The following IGF1R variants were observed in gnomAD, a reference collection of about 807,000 sequenced individuals.
IGF1R encodes insulin-like growth factor 1 receptor.
IGF1R carries 44 observed loss-of-function variants against 144.6 expected under a neutral mutation model. The ratio of observed to expected loss-of-function variants is 0.30; its 90% CI spans 0.24 to 0.39. The LOEUF (loss-of-function observed/expected upper bound fraction) is 0.39. IGF1R is among the 10% of genes least tolerant of loss of function. The pLI is 1.00. For synonymous variants in IGF1R, 795 were observed against 722.8 expected, an observed-to-expected ratio of 1.10 and a Z score of -1.60; for missense variants, 1,355 against 1,833.7, an observed-to-expected ratio of 0.74 and a Z score of 4.77.
Position 98,899,655 on chromosome 15 carries a change from A to G in IGF1R, c.1247+34A>G, listed in dbSNP as rs1435836186. The G allele has an allele frequency of 5.0e-6, 8 of 1,606,768 alleles. No homozygotes were observed. In the Admixed American group the frequency reaches 1.0e-4, roughly 20 times the overall value. ...CCCAAATTTCATGAGCTGACGTTCT[A>G]TTACAAAATAAGCAGCGTGCTTATG... On this transcript the variant is annotated intron_variant, in intron 5 of 20. Transcript: ENST00000650285.
At chr15:98,921,815 G>A (rs2015500701) in intron 10 of IGF1R, among the ~76,000 whole-genome samples, 1 of 152,160 alleles carries the variant, frequency 6.6e-6, no homozygotes, top group African/African-American at 2.4e-5. Flanking sequence ...CATAAGGTCT[G>A]TGACCAGATG....
chr15:98,902,940 T>C (rs908735369), intron 5 of IGF1R, among the ~76,000 whole-genome samples: 1 of 152,016 alleles, frequency 6.6e-6, no homozygotes. Context: ...TTACATAGAG[T>C]AGAGCTCTTA....
At chr15:98,649,858 C>T (rs964029050) in intron 1 of IGF1R, among the ~76,000 whole-genome samples, 183 bp downstream of exon 1, 2 of 152,126 alleles carry the variant, frequency 1.3e-5, no homozygotes, top group African/African-American at 2.4e-5. Context: ...GACCCGGGCT[C>T]GTTCGTCTGG....
chr15:98,706,364 C>G (rs2141256547), intron 1 of IGF1R, among the ~76,000 whole-genome samples: 1 of 152,324 alleles, frequency 6.6e-6, no homozygotes, highest in Admixed American at 6.5e-5. Context: ...AAAGAGTTTT[C>G]TTGGTGTGTG....
Position 98,847,499 on chromosome 15 carries a change from T to C in IGF1R, c.641-43826T>C, listed in dbSNP as rs942143580. Reference sequence around the variant, plus strand: ...TTACTTACATCAGGTTTTCCTTGTCTATAAAATGGAAGTCCTTGTACCCAC... The same window carrying C: ...TTACTTACATCAGGTTTTCCTTGTCCATAAAATGGAAGTCCTTGTACCCAC... On this transcript the variant is annotated intron_variant, in intron 2 of 20. Coordinates refer to ENST00000650285, the MANE Select transcript of IGF1R (RefSeq NM_000875.5). Among the ~76,000 whole-genome samples, 4 of 152,214 alleles carry C rather than the reference T, an allele frequency of 2.6e-5. No individual in the cohort carries two copies. In the East Asian group the frequency reaches 7.7e-4, roughly 29 times the overall value.
chr15:98,885,125 A>ACG (rs1357462056), intron 2 of IGF1R, among the ~76,000 whole-genome samples: 6 of 152,058 alleles, frequency 3.9e-5, no homozygotes, highest in Non-Finnish European at 8.8e-5. Context: ...GCCCTAAGCT[A>ACG]CCCTTTGCTT....
At chr15:98,685,914 T>G (rs1055786976) in intron 1 of IGF1R, among the ~76,000 whole-genome samples, 1 of 152,238 alleles carries the variant, frequency 6.6e-6, no homozygotes, top group South Asian at 2.1e-4. Context: ...TAAAAGAATT[T>G]TTTTAAATGT....
intron 2 of IGF1R, among the ~76,000 whole-genome samples, chr15:98,769,910 A>T (rs1220333334): frequency 2.6e-5 from 4 of 151,038 alleles, no homozygotes; most frequent in African/African-American, 9.8e-5. Flanking sequence ...AGGATTTGAG[A>T]TTTTCTATCC....
chr15:98,956,930 G>A lies in IGF1R; in HGVS notation c.3723-131G>A. 5 of 1,009,058 alleles carry A rather than the reference G, an allele frequency of 5.0e-6. No individual in the cohort carries two copies. The South Asian group carries it at 5.4e-5, about 11-fold the overall frequency. The allele number at this position is 1,009,058 out of a possible 1,614,324, so 62.5% of individuals were successfully genotyped here. A position where few individuals can be genotyped will look rare whatever the true frequency, so the allele number is the denominator to read the frequency against. The stretch of plus-strand genomic sequence containing the variant: ...CAGGCAGAAAGCCAGGGATGGAGAG[G>A]GGCAGCAGGGCTGTGTTCAGTGCTC... On this transcript the variant is annotated intron_variant, in intron 20 of 20. Transcript: ENST00000650285.
chr15:98,893,339 C>G (rs1221591700), intron 3 of IGF1R: 4 of 152,118 alleles, frequency 2.6e-5, no homozygotes, highest in African/African-American at 9.7e-5. Flanking sequence ...ATCTGTATAA[C>G]CATTAGCATA....
intron 1 of IGF1R, among the ~76,000 whole-genome samples, chr15:98,672,439 G>A (rs1411437251): frequency 6.6e-6 from 1 of 151,946 alleles, no homozygotes; most frequent in Non-Finnish European, 1.5e-5. Context: ...GTGTGGTGGT[G>A]TGCGCCTGTA....
intron 6 of IGF1R, 67 bp from the exon 7 acceptor site, chr15:98,911,248 A>C (rs756929905): frequency 4.4e-6 from 7 of 1,602,496 alleles, no homozygotes; most frequent in Non-Finnish European, 6.0e-6. Flanking sequence ...AAGCAGTGCC[A>C]AGCAAGACAG....
intron 2 of IGF1R, among the ~76,000 whole-genome samples, chr15:98,876,074 G>A (rs2013045874): frequency 6.6e-6 from 1 of 152,120 alleles, no homozygotes; most frequent in South Asian, 2.1e-4. Flanking sequence ...GGAATGAACC[G>A]AATACCTAAA....
At chr15:98,724,369 C>T (rs904046259) in intron 2 of IGF1R, among the ~76,000 whole-genome samples, 3 of 152,112 alleles carry the variant, frequency 2.0e-5, no homozygotes, top group Non-Finnish European at 2.9e-5. Flanking sequence ...ATACAGGGGC[C>T]ACTGGGGGCT....
At chr15:98,782,442 C>G (rs942926083) in intron 2 of IGF1R, among the ~76,000 whole-genome samples, 4 of 152,010 alleles carry the variant, frequency 2.6e-5, no homozygotes, top group African/African-American at 9.7e-5. Context: ...TTTGAAAATA[C>G]TCTCTCATTT....
At position 98,863,134 on chromosome 15, in the gene IGF1R, G is replaced by A. The variant is rs184905108; in HGVS notation, c.641-28191G>A. ...CGAAGTTCGCACTTTTGGAGAACATGGGGCCAGTTATTTTGTAGAATATCT... is the reference window on the plus strand; with the variant it reads ...CGAAGTTCGCACTTTTGGAGAACATAGGGCCAGTTATTTTGTAGAATATCT... On this transcript the variant is annotated intron_variant, in intron 2 of 20. Coordinates refer to ENST00000650285, the MANE Select transcript of IGF1R (RefSeq NM_000875.5). 2.8e-4 allele frequency among the ~76,000 whole-genome samples: 43 copies of A among 152,324 alleles called. 1 individual carries two copies. The South Asian group carries it at 5.0e-3, about 18-fold the overall frequency.
intron 2 of IGF1R, among the ~76,000 whole-genome samples, chr15:98,736,728 C>A (rs146994293): frequency 2.0e-5 from 3 of 151,210 alleles, no homozygotes; most frequent in African/African-American, 4.9e-5. Context: ...TCTCATGCCT[C>A]GGCCTCCTGA....
At chr15:98,674,095 G>A (rs889580718) in intron 1 of IGF1R, among the ~76,000 whole-genome samples, 6 of 150,696 alleles carry the variant, frequency 4.0e-5, no homozygotes, top group Non-Finnish European at 7.4e-5. Flanking sequence ...AAAAGTCATA[G>A]CGATAAAGTC....
At chr15:98,827,919 G>A (rs1424946791) in intron 2 of IGF1R, among the ~76,000 whole-genome samples, 1 of 152,166 alleles carries the variant, frequency 6.6e-6, no homozygotes, top group African/African-American at 2.4e-5. Context: ...TGGAGAATGG[G>A]AGTTGGAAAG....
Sources: allele counts gnomAD v4.1 joint callset (sites outside exome capture counted in the v4.1 genomes callset), GRCh38; gene constraint gnomAD v4.1.1; transcripts MANE v1.5; gene names NCBI Gene and HGNC (gene_info 2026-07-23, HGNC 2026-07-21).